Variants in DENND2B observed in about 807,000 individuals in gnomAD.
DENND2B encodes the protein DENN domain-containing protein 2B.
A neutral mutation model predicts 116.0 loss-of-function variants in DENND2B; 32 were observed. The observed-to-expected ratio is 0.28, with a 90% CI of 0.21 to 0.37. DENND2B has a LOEUF of 0.37. Ranked by LOEUF, DENND2B falls within the 10% of genes least tolerant of loss-of-function variation. The pLI is 1.00. For synonymous variants in DENND2B, 588 were observed against 583.9 expected (o/e 1.01, Z -0.10); for missense variants, 1,276 against 1,477.7 (o/e 0.86, Z 2.24).
At chr11:8,736,468 G>T (rs1592937088) in intron 2 of DENND2B, among the ~76,000 whole-genome samples, 1 of 152,198 alleles carries the variant, frequency 6.6e-6, no homozygotes, top group Non-Finnish European at 1.5e-5. Flanking sequence ...TGTTTAGAGT[G>T]AGCAGGTAAC....
In DENND2B at chr11:8,707,715, A is replaced by C; in HGVS notation, c.2430+62T>G. On this transcript the variant is annotated intron_variant, in intron 12 of 19. Coordinates refer to ENST00000313726, the MANE Select transcript of DENND2B (RefSeq NM_213618.2). The surrounding 1 kb of genome is among the most constrained non-coding windows in gnomAD (Gnocchi z 4.8). ...TGGTTTTCTCATCTAAGCTGGCTGCAGATACTCCTGTGGGAGCTGTCAGCT... is the reference window on the plus strand; with the variant it reads ...TGGTTTTCTCATCTAAGCTGGCTGCCGATACTCCTGTGGGAGCTGTCAGCT... The C allele has an allele frequency of 1.3e-5, 19 of 1,510,618 alleles. No homozygotes were observed. The highest frequency in any genetic ancestry group is 1.7e-5 in the Non-Finnish European group (19 of 1,108,668). The allele number at this position is 1,510,618 out of a possible 1,614,324, so 93.6% of individuals were successfully genotyped here.
intron 2 of DENND2B, among the ~76,000 whole-genome samples, chr11:8,865,220 C>T (rs138178062): frequency 1.3e-5 from 2 of 152,148 alleles, no homozygotes; most frequent in South Asian, 4.1e-4. Flanking sequence ...AGTGCAATCT[C>T]GCAAAGGCTG....
At chr11:8,748,066 C>A (rs999058441) in intron 2 of DENND2B, among the ~76,000 whole-genome samples, 7 of 152,108 alleles carry the variant, frequency 4.6e-5, no homozygotes, top group African/African-American at 1.4e-4. Flanking sequence ...GATACAAATG[C>A]GTCTTAGAAC....
chr11:8,877,228 C>T (rs900310618), intron 2 of DENND2B, among the ~76,000 whole-genome samples: 4 of 151,578 alleles, frequency 2.6e-5, no homozygotes, highest in Admixed American at 2.6e-4. Context: ...CTTAGCCTCC[C>T]GAGTAGCTGG....
intron 1 of DENND2B, among the ~76,000 whole-genome samples, chr11:8,789,939 CA>C (rs1261758802): frequency 6.6e-6 from 1 of 152,128 alleles, no homozygotes; most frequent in Admixed American, 6.5e-5. Context: ...GGTTTTAAGC[CA>C]CTATGTTTTG....
chr11:8,769,955 G>T (rs1286878247), intron 1 of DENND2B, among the ~76,000 whole-genome samples: 1 of 152,084 alleles, frequency 6.6e-6, no homozygotes, highest in Non-Finnish European at 1.5e-5. Context: ...ACATAGTGAG[G>T]CTCCATCTCT....
At chr11:8,803,403 G>A (rs1028969057) in intron 1 of DENND2B, among the ~76,000 whole-genome samples, 2 of 152,110 alleles carry the variant, frequency 1.3e-5, no homozygotes, top group South Asian at 2.1e-4. Context: ...TGTCAAGTCA[G>A]GATGTCAATG....
intron 16 of DENND2B, among the ~76,000 whole-genome samples, chr11:8,698,249 C>T (rs1244853869): frequency 6.6e-6 from 1 of 150,720 alleles, no homozygotes; most frequent in Non-Finnish European, 1.5e-5. Context: ...CCAATTCCTC[C>T]ATCTTCAGCT....
rs1440854117 is a variant in DENND2B, at chr11:8,710,890, A to G, written c.2307T>C (p.Thr769=). The part of the protein sequence containing the change: ...YSSETFSFML[T]GEDGSRRFGY... Reference sequence around the variant, plus strand: ...CAAAGCGTCTGCTGCCATCTTCCCCAGTCAGCATGAAAGAAAAGGTCTCAC... The same window carrying G: ...CAAAGCGTCTGCTGCCATCTTCCCCGGTCAGCATGAAAGAAAAGGTCTCAC... Residue 769 remains threonine (T), a synonymous_variant, in exon 11 of 20, where the codon ACT becomes ACC. Transcript: ENST00000313726. 6.2e-7 allele frequency: 1 copy of G among 1,614,048 alleles called. No individual in the cohort carries two copies. Among genetic ancestry groups the G allele is most frequent in the Non-Finnish European group, 8.5e-7 (1 of 1,179,998 alleles).
At chr11:8,781,113 C>T (rs943309350) in intron 1 of DENND2B, among the ~76,000 whole-genome samples, 1 of 152,124 alleles carries the variant, frequency 6.6e-6, no homozygotes, top group Admixed American at 6.5e-5. Context: ...AAGACGAAGT[C>T]CTTAGAGTTG....
chr11:8,725,286 G>A (rs2046893007), intron 4 of DENND2B, among the ~76,000 whole-genome samples: 1 of 151,956 alleles, frequency 6.6e-6, no homozygotes, highest in African/African-American at 2.4e-5. Flanking sequence ...TAAGAACACA[G>A]AAAGAAGATG....
In DENND2B at chr11:8,730,720, G is replaced by A; in HGVS notation, c.570C>T (p.Gly190=). The change falls in exon 3 of 20, where the codon GGC becomes GGT. Residue 190 remains glycine, a synonymous_variant. Transcript: ENST00000313726. The surrounding 1 kb of genome is among the most constrained non-coding windows in gnomAD (Gnocchi z 4.1). ...RMSMCGEKRE[G]SGSEWAASEG... The stretch of plus-strand genomic sequence containing the variant: ...CACTGGCCGCCCACTCGCTCCCAGA[G>A]CCCTCCCGCTTCTCTCCACACATGC... 3 of 1,612,200 alleles carry A rather than the reference G, an allele frequency of 1.9e-6. No homozygotes were observed. The highest frequency in any genetic ancestry group is 2.5e-6 in the Non-Finnish European group (3 of 1,179,892).
chr11:8,718,502 T>C lies in DENND2B; in HGVS notation c.1478-610A>G, dbSNP rs1192493717. 3 of 1,462,414 alleles carry C rather than the reference T, an allele frequency of 2.1e-6. No individual in the cohort carries two copies. In the East Asian group the frequency reaches 7.5e-5, roughly 37 times the overall value. The allele number at this position is 1,462,414 out of a possible 1,614,324, so 90.6% of individuals were successfully genotyped here. On this transcript the variant is annotated intron_variant, in intron 4 of 19. Transcript: ENST00000313726. Reference sequence around the variant, plus strand: ...CTGAGGCAACCTCGGAACGGAACAGTGATTAGCAAGGAGGAAGTGTTCAGT... The same window carrying C: ...CTGAGGCAACCTCGGAACGGAACAGCGATTAGCAAGGAGGAAGTGTTCAGT...
intron 11 of DENND2B, among the ~76,000 whole-genome samples, chr11:8,709,112 G>A (rs2043153963): frequency 1.3e-5 from 2 of 152,208 alleles, no homozygotes; most frequent in Non-Finnish European, 2.9e-5. Flanking sequence ...AGCAGGTGCT[G>A]GCCCCTCGTG....
At chr11:8,874,842 TTGAGCCCA>T (rs2063825580), upstream of DENND2B, among the ~76,000 whole-genome samples, 1 of 152,138 alleles carries the variant, frequency 6.6e-6, no homozygotes, top group East Asian at 1.9e-4. Context: ...GGAGGATTGC[TTGAGCCCA>T]GGAGGTCCTG....
intron 1 of DENND2B, among the ~76,000 whole-genome samples, chr11:8,759,747 A>G (rs920472711): frequency 6.6e-6 from 1 of 152,168 alleles, no homozygotes; most frequent in Non-Finnish European, 1.5e-5. Context: ...CCCAGCAAAC[A>G]TCTCCTCAGA....
rs940603726 is a variant in DENND2B at position 8,901,013 on chromosome 11, A to C, written c.-256+9808T>G. On this transcript the variant is annotated intron_variant, in intron 1 of 22. Coordinates refer to the DENND2B transcript ENST00000534127. The stretch of plus-strand genomic sequence containing the variant: ...TGATCTGCCCACCTTGGCCTCCCAA[A>C]GTGCTGGAATTACAGGCGTGAGCCA... 3.4e-5 allele frequency among the ~76,000 whole-genome samples: 5 copies of C among 148,902 alleles called. No homozygotes were observed. The Admixed American group carries it at 3.4e-4, about 10-fold the overall frequency.
intron 3 of DENND2B, among the ~76,000 whole-genome samples, chr11:8,851,999 A>G (rs2063025364): frequency 1.3e-5 from 2 of 152,182 alleles, no homozygotes; most frequent in South Asian, 4.1e-4. Context: ...CCACCAGTAG[A>G]GGAGAAAAAC....
intron 1 of DENND2B, among the ~76,000 whole-genome samples, chr11:8,795,015 C>T (rs2059694685): frequency 6.6e-6 from 1 of 152,258 alleles, no homozygotes; most frequent in African/African-American, 2.4e-5. Flanking sequence ...GTCCCTGAAA[C>T]AGCCCTGCCA....
Sources: allele counts gnomAD v4.1 joint callset (sites outside exome capture counted in the v4.1 genomes callset), GRCh38; gene constraint gnomAD v4.1.1; non-coding constraint Gnocchi (gnomAD v3.1); transcripts MANE v1.5; gene names NCBI Gene and HGNC (gene_info 2026-07-23, HGNC 2026-07-21).